The following FCHSD2 variants were observed in gnomAD, a reference collection of about 807,000 sequenced individuals.
FCHSD2 encodes F-BAR and double SH3 domains protein 2.
FCHSD2 carries 38 observed loss-of-function variants against 108.1 expected under a neutral mutation model. The observed-to-expected ratio is 0.35, with a 90% CI of 0.27 to 0.46. FCHSD2 has a LOEUF of 0.46. Ranked by LOEUF, FCHSD2 falls within the 20% of genes least tolerant of loss-of-function variation. The pLI is 1.00. For synonymous variants in FCHSD2, 279 were observed against 314.7 expected (o/e 0.89, Z 1.20); for missense variants, 751 against 897.8 (o/e 0.84, Z 2.09).
At chr11:72,940,797 C>T (rs1856401281) in intron 8 of FCHSD2, 8 of 848,232 alleles carry the variant, frequency 9.4e-6, no homozygotes, top group South Asian at 1.3e-5. Flanking sequence ...GCCTTCAGTG[C>T]GTTGCAGAGG....
intron 8 of FCHSD2, among the ~76,000 whole-genome samples, chr11:72,942,713 T>C (rs1856443806): frequency 6.6e-6 from 1 of 152,248 alleles, no homozygotes. Context: ...TAGAATGTTA[T>C]GGTATATGCT....
intron 2 of FCHSD2, among the ~76,000 whole-genome samples, chr11:73,102,984 A>G (rs1860259047): frequency 6.6e-6 from 1 of 152,246 alleles, no homozygotes; most frequent in African/African-American, 2.4e-5. Flanking sequence ...AAAGCAAATT[A>G]CACTATTAAG....
chr11:73,071,474 G>A (rs1164707174), intron 3 of FCHSD2, among the ~76,000 whole-genome samples: 3 of 151,362 alleles, frequency 2.0e-5, no homozygotes, highest in African/African-American at 7.3e-5. Context: ...GGCAGATCAC[G>A]AGGTCAGGAG....
At chr11:73,073,495 A>T (rs1253714539) in intron 3 of FCHSD2, among the ~76,000 whole-genome samples, 2 of 152,174 alleles carry the variant, frequency 1.3e-5, no homozygotes, top group Admixed American at 1.3e-4. Context: ...ATACAAGTTT[A>T]CTTTGCATGT....
At chr11:73,029,984 G>C (rs1223884191) in intron 3 of FCHSD2, among the ~76,000 whole-genome samples, 1 of 152,086 alleles carries the variant, frequency 6.6e-6, no homozygotes, top group African/African-American at 2.4e-5. Flanking sequence ...CTGATGTCCA[G>C]AGTCACCACC....
rs530089767 is a variant in FCHSD2, at chr11:72,956,316, G to A, written c.705+27772C>T. Among the ~76,000 whole-genome samples the A allele has an allele frequency of 5.6e-4, 85 of 152,202 alleles. 1 individual carries two copies. In the South Asian group the frequency reaches 0.017, roughly 30 times the overall value. Reference sequence around the variant, plus strand: ...TGATGAAAATAGAAAACCACCATTTGGCAACCATCATAAAGGTGGTTGATT... The same window carrying A: ...TGATGAAAATAGAAAACCACCATTTAGCAACCATCATAAAGGTGGTTGATT... On this transcript the variant is annotated intron_variant, in intron 8 of 19. Transcript: ENST00000409418.
chr11:73,120,555 C>T (rs1213619492), intron 2 of FCHSD2, among the ~76,000 whole-genome samples: 1 of 151,944 alleles, frequency 6.6e-6, no homozygotes, highest in Admixed American at 6.6e-5. Context: ...CATGGTGAAA[C>T]CCCGTCTCTA....
chr11:72,906,211 G>C (rs952881658), intron 9 of FCHSD2, among the ~76,000 whole-genome samples: 1 of 152,116 alleles, frequency 6.6e-6, no homozygotes, highest in Non-Finnish European at 1.5e-5. Flanking sequence ...ATGTCTGTTG[G>C]CTGCATAAAT....
At chr11:72,984,277 G>A (rs1857270912) in intron 7 of FCHSD2, 61 bp from the exon 8 acceptor site, 2 of 1,529,062 alleles carry the variant, frequency 1.3e-6, no homozygotes, top group Admixed American at 3.4e-5. Context: ...AAACACATAG[G>A]AATCCTACTC....
At chr11:73,102,884 C>T (rs1860256676) in intron 2 of FCHSD2, among the ~76,000 whole-genome samples, 1 of 152,122 alleles carries the variant, frequency 6.6e-6, no homozygotes, top group African/African-American at 2.4e-5. Flanking sequence ...CTAAGACATA[C>T]TCTTATTAAG....
At chr11:72,895,410 G>A (rs751295238) in intron 10 of FCHSD2, among the ~76,000 whole-genome samples, 70 of 152,256 alleles carry the variant, frequency 4.6e-4, no homozygotes, top group African/African-American at 1.4e-3. Flanking sequence ...AAAACCTTGC[G>A]TCTAACACTT....
chr11:73,090,477 G>A (rs541576845), intron 2 of FCHSD2, among the ~76,000 whole-genome samples: 6 of 152,070 alleles, frequency 3.9e-5, no homozygotes, highest in African/African-American at 1.4e-4. Flanking sequence ...CGCCCGCCTC[G>A]GCCTCCCAAA....
chr11:73,028,832 C>G (rs1466801220), intron 3 of FCHSD2, among the ~76,000 whole-genome samples: 1 of 152,142 alleles, frequency 6.6e-6, no homozygotes, highest in African/African-American at 2.4e-5. Context: ...TTTAGCACTT[C>G]CCCTTTCGTT....
rs35445043 is a variant in FCHSD2, at chr11:73,129,872, C to CTT, written c.119+10157_119+10158dup. ...CTACCACACAGATTACCTTCATAAT[C>CTT]TTTTTTTTTTTTTTTTTTTTGAGAC... On this transcript the variant is annotated intron_variant, in intron 2 of 19. Transcript: ENST00000409418. 3.7e-3 allele frequency among the ~76,000 whole-genome samples: 459 copies of CTT among 124,134 alleles called. 15 individuals carry two copies. The highest frequency in any genetic ancestry group is 0.013 in the African/African-American group (414 of 31,782). 81.4% of individuals were successfully genotyped at this position (124,134 alleles called of 152,430 possible).
intron 3 of FCHSD2, among the ~76,000 whole-genome samples, chr11:73,040,972 C>T (rs1450838338): frequency 6.6e-6 from 1 of 152,128 alleles, no homozygotes; most frequent in Non-Finnish European, 1.5e-5. Context: ...TGAGTGAGAA[C>T]ATGTGATATT....
Position 73,081,930 on chromosome 11 carries a change from C to T in FCHSD2, c.165+1765G>A, listed in dbSNP as rs113495402. On this transcript the variant is annotated intron_variant, in intron 3 of 19. Transcript: ENST00000409418. ...TAGAAAAAGCATTCAAGATCGGGCG[C>T]GGTGACTCACGCCTGTAATCCCAGC... Among the ~76,000 whole-genome samples the T allele has an allele frequency of 5.4e-3, 826 of 152,184 alleles. 4 individuals carry two copies. The highest frequency in any genetic ancestry group is 0.014 in the South Asian group (68 of 4,826).
At chr11:73,036,015 C>A (rs1057071206) in intron 3 of FCHSD2, among the ~76,000 whole-genome samples, 1 of 152,028 alleles carries the variant, frequency 6.6e-6, no homozygotes, top group Non-Finnish European at 1.5e-5. Context: ...CACCACTCCT[C>A]GCCCAGTTTT....
At chr11:72,950,619 T>C (rs549370117) in intron 8 of FCHSD2, among the ~76,000 whole-genome samples, 4 of 152,374 alleles carry the variant, frequency 2.6e-5, no homozygotes, top group South Asian at 4.1e-4. Flanking sequence ...AGTACCTTTG[T>C]TGACAATCAG....
At chr11:72,902,393 A>G in intron 10 of FCHSD2, 150 bp downstream of exon 10, 1 of 487,028 alleles carries the variant, frequency 2.1e-6, no homozygotes, top group Non-Finnish European at 3.6e-6. Context: ...CAGAAAAAAA[A>G]AGTCATAATT....
Sources: allele counts gnomAD v4.1 joint callset (sites outside exome capture counted in the v4.1 genomes callset), GRCh38; gene constraint gnomAD v4.1.1; transcripts MANE v1.5; gene names NCBI Gene and HGNC (gene_info 2026-07-23, HGNC 2026-07-21).